The following RAPGEF6 variants were observed in gnomAD, a reference collection of about 807,000 sequenced individuals.
RAPGEF6 encodes Rap guanine nucleotide exchange factor 6.
In RAPGEF6, 56 loss-of-function variants were observed where a neutral mutation model predicts 171.4. That is an observed-to-expected ratio of 0.33 (90% CI 0.26 to 0.41). The LOEUF is 0.41. RAPGEF6 is among the 10% of genes least tolerant of loss of function. The probability of loss-of-function intolerance (pLI) is 1.00; values close to 1 mark genes in which losing one functional copy is unlikely to be tolerated. For synonymous variants in RAPGEF6, 692 were observed against 650.1 expected (o/e 1.06, Z -0.98); for missense variants, 1,674 against 1,921.4 (o/e 0.87, Z 2.41).
At chr5:131,475,040 C>T (rs1314151027) in intron 16 of RAPGEF6, among the ~76,000 whole-genome samples, 1 of 152,228 alleles carries the variant, frequency 6.6e-6, no homozygotes, top group African/African-American at 2.4e-5. Flanking sequence ...CCTTATATCT[C>T]TTGCTGATGC....
intron 17 of RAPGEF6, among the ~76,000 whole-genome samples, chr5:131,470,882 T>C (rs1754691612): frequency 6.6e-6 from 1 of 152,154 alleles, no homozygotes; most frequent in South Asian, 2.1e-4. Flanking sequence ...GTTCATTCCA[T>C]ACTCAGGAAG....
At chr5:131,445,184 C>T (rs1185870158) in intron 22 of RAPGEF6, among the ~76,000 whole-genome samples, 4 of 152,076 alleles carry the variant, frequency 2.6e-5, no homozygotes, top group African/African-American at 7.2e-5. Flanking sequence ...GTATTCTTTC[C>T]ATCATACTCC....
At chr5:131,564,405 G>T (rs766732594) in intron 4 of RAPGEF6, among the ~76,000 whole-genome samples, 8 of 152,204 alleles carry the variant, frequency 5.3e-5, no homozygotes. Context: ...GGGTCCTCAG[G>T]AATGTATTTC....
In RAPGEF6 at chr5:131,489,603, C is replaced by T. The variant is rs541785022; in HGVS notation, c.1783G>A (p.Val595Ile). 65 of 1,597,942 alleles carry T rather than the reference C, an allele frequency of 4.1e-5. No homozygotes were observed. The highest frequency in any genetic ancestry group is 1.7e-4 in the Middle Eastern group (1 of 6,038). The change falls in exon 15 of 28, where the codon GTT (valine) becomes ATT (isoleucine). Residue 595 changes from valine to isoleucine, a missense_variant. Transcript: ENST00000509018. ...NFENITFMKA[V>I]EILRNNTHLA... ...TGAGTATTATTCCTCAAAATTTCAACGGCTTTCATAAATGTAATATTCTCA... is the reference window on the plus strand; with the variant it reads ...TGAGTATTATTCCTCAAAATTTCAATGGCTTTCATAAATGTAATATTCTCA...
At chr5:131,571,240 C>CA (rs1300407257) in intron 4 of RAPGEF6, among the ~76,000 whole-genome samples, 5 of 152,004 alleles carry the variant, frequency 3.3e-5, no homozygotes, top group Non-Finnish European at 7.4e-5. Flanking sequence ...CCATGCCCCG[C>CA]CCCCAACTAC....
intron 17 of RAPGEF6, among the ~76,000 whole-genome samples, chr5:131,470,228 T>A (rs1313991735): frequency 6.6e-6 from 1 of 152,240 alleles, no homozygotes; most frequent in African/African-American, 2.4e-5. Flanking sequence ...TGTTGCAGAC[T>A]GAGACATATC....
intron 16 of RAPGEF6, chr5:131,472,962 A>C (rs531191796): frequency 1.9e-6 from 1 of 518,188 alleles, no homozygotes; most frequent in East Asian, 3.2e-5. Context: ...TATACATCTA[A>C]GTAATTCTAC....
At chr5:131,594,271 C>T (rs947303216) in intron 3 of RAPGEF6, among the ~76,000 whole-genome samples, 4 of 152,244 alleles carry the variant, frequency 2.6e-5, no homozygotes, top group Non-Finnish European at 4.4e-5. Flanking sequence ...CCAAAAGGGG[C>T]CAACAGTATA....
intron 6 of RAPGEF6, among the ~76,000 whole-genome samples, chr5:131,541,835 T>G (rs1354334100): frequency 1.3e-5 from 2 of 152,248 alleles, no homozygotes; most frequent in Non-Finnish European, 2.9e-5. Flanking sequence ...TCTTCCCATG[T>G]CCTGGAGATT....
intron 9 of RAPGEF6, among the ~76,000 whole-genome samples, chr5:131,506,087 G>A (rs966479539): frequency 8.5e-5 from 13 of 152,108 alleles, no homozygotes; most frequent in Admixed American, 3.3e-4. Context: ...TTTCTCCTAC[G>A]TTAAGAAAAT....
chr5:131,505,597 T>A, intron 9 of RAPGEF6, 75 bp from the exon 10 acceptor site: 3 of 1,287,930 alleles, frequency 2.3e-6, no homozygotes, highest in Non-Finnish European at 3.2e-6. Flanking sequence ...AAAGAATCTA[T>A]CAATATATAT....
At chr5:131,562,439 T>G (rs1356274937) in intron 4 of RAPGEF6, among the ~76,000 whole-genome samples, 1 of 152,142 alleles carries the variant, frequency 6.6e-6, no homozygotes, top group African/African-American at 2.4e-5. Flanking sequence ...AAGTAAATTA[T>G]TATAATCTTT....
In RAPGEF6 at chr5:131,453,050, C is replaced by T. The variant is rs975174618; in HGVS notation, c.3200+4G>A. 3.0e-5 allele frequency: 48 copies of T among 1,612,038 alleles called. No individual in the cohort carries two copies. Among genetic ancestry groups the T allele is most frequent in the Non-Finnish European group, 4.1e-5 (48 of 1,178,858 alleles). ...TAACACTTTTACATATTTCAATGTCCTACCTCTGTCGAAACATCATAGCTG... is the reference window on the plus strand; with the variant it reads ...TAACACTTTTACATATTTCAATGTCTTACCTCTGTCGAAACATCATAGCTG... On this transcript the variant is annotated splice_donor_region_variant and intron_variant, in intron 21 of 27. Transcript: ENST00000509018.
chr5:131,462,100 A>C lies in RAPGEF6; in HGVS notation c.2481-12T>G. 6.9e-7 allele frequency: 1 copy of C among 1,453,872 alleles called. No individual in the cohort carries two copies. Among genetic ancestry groups the C allele is most frequent in the Non-Finnish European group, 9.1e-7 (1 of 1,097,600 alleles). The allele number at this position is 1,453,872 out of a possible 1,614,324, so 90.1% of individuals were successfully genotyped here. A position where few individuals can be genotyped will look rare whatever the true frequency, so the allele number is the denominator to read the frequency against. The stretch of plus-strand genomic sequence containing the variant: ...TTTTTAAGTAATACCTAAATGGAAA[A>C]ATTTTTTTAAATAAATGTATTCATA... On this transcript the variant is annotated splice_polypyrimidine_tract_variant and intron_variant, in intron 18 of 27. Transcript: ENST00000509018.
chr5:131,579,065 T>C (rs527652059), intron 4 of RAPGEF6, among the ~76,000 whole-genome samples: 1 of 152,332 alleles, frequency 6.6e-6, no homozygotes. Flanking sequence ...TTGGAGTTTC[T>C]TTCTTCTGGC....
chr5:131,612,201 ATTTTTTT>A (rs35306366), intron 1 of RAPGEF6, among the ~76,000 whole-genome samples: 8 of 83,328 alleles, frequency 9.6e-5, no homozygotes, highest in East Asian at 3.4e-4. Flanking sequence ...TGCTCAGCTA[ATTTTTTT>A]TTTTTTTTTT....
At position 131,548,073 on chromosome 5, in the gene RAPGEF6, C is replaced by T; in HGVS notation, c.469G>A (p.Asp157Asn). Residue 157 changes from aspartate (D) to asparagine (N), a missense_variant, in exon 6 of 28, where the codon GAT becomes AAT. Asp to Asn is a conservative substitution (Grantham distance 23, BLOSUM62 1). Transcript: ENST00000509018. ...GAAAGATAGCTGTTAACCTCCACAT[C>T]ATCAGTAATGGTTTGGCGCTCTCCT... ...YKGERQTITD[D>N]VEVNSYLSLP... 1 of 1,613,930 alleles carries T rather than the reference C, an allele frequency of 6.2e-7. No individual in the cohort carries two copies. The highest frequency in any genetic ancestry group is 1.1e-5 in the South Asian group (1 of 91,066).
intron 8 of RAPGEF6, among the ~76,000 whole-genome samples, chr5:131,509,301 A>T (rs1396558521): frequency 6.6e-6 from 1 of 151,976 alleles, no homozygotes; most frequent in Non-Finnish European, 1.5e-5. Context: ...CCCAGCACTT[A>T]GGGAGGCCGA....
chr5:131,535,891 T>C (rs1580987949), intron 6 of RAPGEF6, among the ~76,000 whole-genome samples: 1 of 152,102 alleles, frequency 6.6e-6, no homozygotes. Context: ...AAGGTTACCA[T>C]AGATGAAGGT....
Sources: gnomAD v4.1 joint callset for allele counts (sites outside exome capture counted in the v4.1 genomes callset) on GRCh38, gnomAD v4.1.1 for gene constraint, MANE v1.5 for transcripts, NCBI Gene and HGNC (gene_info 2026-07-23, HGNC 2026-07-21) for gene names.